Variants in LARP4B observed in about 807,000 individuals in gnomAD.
The protein encoded by LARP4B is la-related protein 4B.
In LARP4B, 12 loss-of-function variants were observed where a neutral mutation model predicts 89.8. The ratio of observed to expected loss-of-function variants is 0.13; its 90% CI spans 0.09 to 0.22. The LOEUF (loss-of-function observed/expected upper bound fraction) is 0.22, where lower values mean the gene tolerates loss of function less well. Among genes scored for constraint, LARP4B ranks in the 10% least tolerant of loss-of-function variants. The pLI is 1.00. For synonymous variants in LARP4B, 367 were observed against 363.3 expected, an observed-to-expected ratio of 1.01 and a Z score of -0.12; for missense variants, 757 against 947.7, an observed-to-expected ratio of 0.80 and a Z score of 2.64.
chr10:907,939 C>G (rs1836539036), intron 1 of LARP4B, among the ~76,000 whole-genome samples: 1 of 152,198 alleles, frequency 6.6e-6, no homozygotes, highest in Non-Finnish European at 1.5e-5. Context: ...GGTGCGGTGG[C>G]TCACGCCTGT....
chr10:842,855 ATAGATT>A, intron 7 of LARP4B, 71 bp downstream of exon 7: 1 of 1,363,504 alleles, frequency 7.3e-7, no homozygotes, highest in Non-Finnish European at 1.0e-6. Context: ...TTTGATGGCT[ATAGATT>A]TAAAGGTTCA....
In LARP4B at chr10:835,854, G is replaced by A. The variant is rs182412946; in HGVS notation, c.750+549C>T. ...AGGCTGAGGCAGGAGAATTGCTTGA[G>A]CCTGGGAGATGGAGTTTGCAGTGAG... On this transcript the variant is annotated intron_variant, in intron 8 of 17. Coordinates refer to ENST00000316157, the MANE Select transcript of LARP4B (RefSeq NM_015155.3). Among the ~76,000 whole-genome samples the A allele has an allele frequency of 1.0e-3, 159 of 151,696 alleles. 1 individual carries two copies. The highest frequency in any genetic ancestry group is 1.8e-4 in the Non-Finnish European group (12 of 67,906).
intron 3 of LARP4B, among the ~76,000 whole-genome samples, chr10:877,614 C>T (rs1304104177): frequency 2.0e-5 from 3 of 152,102 alleles, no homozygotes; most frequent in African/African-American, 7.2e-5. Context: ...TCTCAGTTTC[C>T]TCATTTGTAA....
intron 1 of LARP4B, among the ~76,000 whole-genome samples, chr10:901,262 A>G (rs931347599): frequency 6.6e-6 from 1 of 152,242 alleles, no homozygotes; most frequent in African/African-American, 2.4e-5. Flanking sequence ...TCCCACGTGC[A>G]TATCTAAATA....
chr10:978,138 A>G, the LARP4B span, among the ~76,000 whole-genome samples: 1 of 152,114 alleles, frequency 6.6e-6, no homozygotes, highest in African/African-American at 2.4e-5. Flanking sequence ...CCCAGGTTTG[A>G]CCATTTAGTC....
intron 5 of LARP4B, among the ~76,000 whole-genome samples, chr10:850,876 T>C (rs1010039116): frequency 1.3e-5 from 2 of 151,786 alleles, no homozygotes; most frequent in Admixed American, 1.3e-4. Flanking sequence ...TATCTATGAG[T>C]CAAAGAAAAA....
At chr10:916,720 C>T (rs1836832301) in intron 1 of LARP4B, among the ~76,000 whole-genome samples, 1 of 152,148 alleles carries the variant, frequency 6.6e-6, no homozygotes, top group African/African-American at 2.4e-5. Context: ...AATAAAGAGA[C>T]AAGGTCTTGC....
At chr10:907,229 C>A (rs887499169) in intron 1 of LARP4B, among the ~76,000 whole-genome samples, 6 of 152,192 alleles carry the variant, frequency 3.9e-5, no homozygotes, top group Admixed American at 2.0e-4. Flanking sequence ...CGAGTAAAAT[C>A]TCAGTAAATA....
At chr10:813,353 G>C (rs188725781) in intron 17 of LARP4B, 140 bp from the exon 18 acceptor site, 635 of 827,824 alleles carry the variant, frequency 7.7e-4, no homozygotes, top group Admixed American at 9.3e-4. Context: ...CTTTTAAAAA[G>C]TTCATAAAAT....
At chr10:944,837 G>A in the LARP4B span, among the ~76,000 whole-genome samples, 2 of 152,128 alleles carry the variant, frequency 1.3e-5, no homozygotes, top group African/African-American at 2.4e-5. Flanking sequence ...TCAAGTCGGC[G>A]TCTAAAGGCG....
chr10:962,891 G>A, the LARP4B span, among the ~76,000 whole-genome samples: 1 of 151,982 alleles, frequency 6.6e-6, no homozygotes, highest in Admixed American at 6.6e-5. Context: ...CACTCCAGAG[G>A]AGACCACCTG....
intron 1 of LARP4B, among the ~76,000 whole-genome samples, chr10:891,802 A>G (rs1018820132): frequency 5.9e-5 from 9 of 152,246 alleles, no homozygotes; most frequent in Non-Finnish European, 1.0e-4. Flanking sequence ...AAAGGCTTAT[A>G]AAGTTTTCCA....
chr10:911,390 A>T (rs1836659983), intron 1 of LARP4B, among the ~76,000 whole-genome samples: 1 of 151,792 alleles, frequency 6.6e-6, no homozygotes, highest in Non-Finnish European at 1.5e-5. Context: ...CCTCTTTTGG[A>T]TCCTGTTTCT....
At chr10:914,116 G>A (rs949195548) in intron 1 of LARP4B, among the ~76,000 whole-genome samples, 1 of 152,084 alleles carries the variant, frequency 6.6e-6, no homozygotes, top group African/African-American at 2.4e-5. Context: ...ATATATTTAG[G>A]TTATAAACAA....
rs2131583925 is a variant in LARP4B, at chr10:811,448, G to A, written c.*1478C>T. 1 of 152,662 alleles carries A rather than the reference G, an allele frequency of 6.6e-6. No individual in the cohort carries two copies. Among genetic ancestry groups the A allele is most frequent in the South Asian group, 2.1e-4 (1 of 4,826 alleles). The allele number at this position is 152,662 out of a possible 1,614,324, so 9.5% of individuals were successfully genotyped here. A position where few individuals can be genotyped will look rare whatever the true frequency, so the allele number is the denominator to read the frequency against. Reference sequence around the variant, plus strand: ...AAGATCAACTGTTGAAGATCTTTAAGGTATATTACAAAAACTACTACTAGC... The same window carrying A: ...AAGATCAACTGTTGAAGATCTTTAAAGTATATTACAAAAACTACTACTAGC... On this transcript the variant is annotated 3_prime_UTR_variant, in exon 18 of 18. Transcript: ENST00000316157.
chr10:876,508 A>C (rs1184508539), intron 3 of LARP4B, among the ~76,000 whole-genome samples: 1 of 152,236 alleles, frequency 6.6e-6, no homozygotes, highest in Non-Finnish European at 1.5e-5. Context: ...TCTCTGGAGA[A>C]TCATCTCCTT....
At chr10:909,030 C>CAT (rs1353987780) in intron 1 of LARP4B, among the ~76,000 whole-genome samples, 1 of 152,152 alleles carries the variant, frequency 6.6e-6, no homozygotes, top group East Asian at 1.9e-4. Flanking sequence ...CGCGGTGGCT[C>CAT]ATGCCTGTAA....
chr10:809,797 G>GC lies in LARP4B; in HGVS notation c.*3128dup, dbSNP rs1268263246. ...TAGTGGGCCGCGAGGCACGCAAGCCGCAACTACAGCTCGCCAGCGGGGCAC... is the reference window on the plus strand; with the variant it reads ...TAGTGGGCCGCGAGGCACGCAAGCCGCCAACTACAGCTCGCCAGCGGGGCAC... On this transcript the variant is annotated 3_prime_UTR_variant, in exon 18 of 18. Coordinates refer to ENST00000316157, the MANE Select transcript of LARP4B (RefSeq NM_015155.3). The GC allele has an allele frequency of 6.5e-6, 1 of 152,712 alleles. No individual in the cohort carries two copies. Among genetic ancestry groups the GC allele is most frequent in the Non-Finnish European group, 1.5e-5 (1 of 68,062 alleles). 9.5% of individuals were successfully genotyped at this position (152,712 alleles called of 1,614,324 possible). A position where few individuals can be genotyped will look rare whatever the true frequency, so the allele number is the denominator to read the frequency against.
chr10:820,791 T>A lies in LARP4B; in HGVS notation c.1530+9A>T. On this transcript the variant is annotated intron_variant, in intron 14 of 17. Transcript: ENST00000316157. The stretch of plus-strand genomic sequence containing the variant: ...GTCTTGTGAAGAGGTATATGCTTTA[T>A]GTACTCACTGTAAACTTCTCCTCCC... 1 of 1,609,662 alleles carries A rather than the reference T, an allele frequency of 6.2e-7. No homozygotes were observed.
Sources: allele counts gnomAD v4.1 joint callset (sites outside exome capture counted in the v4.1 genomes callset), GRCh38; gene constraint gnomAD v4.1.1; transcripts MANE v1.5; gene names NCBI Gene and HGNC (gene_info 2026-07-23, HGNC 2026-07-21).